GRIK4: variants seen among roughly 807,000 people sequenced by gnomAD.
The protein encoded by GRIK4 is glutamate ionotropic receptor kainate type subunit 4, also known as glutamate receptor ionotropic, kainate 4.
Under a neutral mutation model 104.9 loss-of-function variants are expected in GRIK4, and 40 were observed. That is an observed-to-expected ratio of 0.38 (90% CI 0.30 to 0.50). The LOEUF is 0.50. Ranked by LOEUF, GRIK4 falls within the 20% of genes least tolerant of loss-of-function variation. GRIK4 has a pLI of 0.93. For missense variants in GRIK4, 1,047 were observed against 1,308.1 expected (o/e 0.80, Z 3.08); for synonymous variants, 485 against 524.9 (o/e 0.92, Z 1.04).
intron 3 of GRIK4, among the ~76,000 whole-genome samples, chr11:120,714,091 T>G (rs1950785374): frequency 6.6e-6 from 1 of 152,234 alleles, no homozygotes; most frequent in South Asian, 2.1e-4. Context: ...AACTAAAGTC[T>G]AAAGGTGCTA....
intron 12 of GRIK4, among the ~76,000 whole-genome samples, chr11:120,904,830 A>C (rs1334688913): frequency 6.6e-6 from 1 of 152,060 alleles, no homozygotes; most frequent in Non-Finnish European, 1.5e-5. Flanking sequence ...TTCTCTGGAC[A>C]TCTCACTGGA....
At chr11:120,574,370 G>A (rs946957517) in intron 1 of GRIK4, among the ~76,000 whole-genome samples, 54 of 152,344 alleles carry the variant, frequency 3.5e-4, no homozygotes, top group African/African-American at 1.3e-3. Flanking sequence ...ACAAGTCACA[G>A]TACCAGAGGC....
chr11:120,621,799 G>T (rs1949192829), intron 1 of GRIK4, among the ~76,000 whole-genome samples: 1 of 152,216 alleles, frequency 6.6e-6, no homozygotes, highest in Non-Finnish European at 1.5e-5. Flanking sequence ...AGACTTCTCA[G>T]CTGCAGCGGC....
intron 1 of GRIK4, 60 bp downstream of exon 1, chr11:120,511,947 C>A: frequency 6.5e-6 from 1 of 153,086 alleles, no homozygotes; most frequent in South Asian, 1.8e-4. Flanking sequence ...CCCCGCGCCC[C>A]CGAGTCCCCT....
At chr11:120,936,043 C>A in intron 13 of GRIK4, 7 of 188,272 alleles carry the variant, frequency 3.7e-5, no homozygotes, top group South Asian at 7.3e-5. Context: ...CATCATCATC[C>A]TGGTCTTCAT....
intron 8 of GRIK4, among the ~76,000 whole-genome samples, chr11:120,837,631 C>T (rs1297607234): frequency 6.6e-6 from 1 of 152,068 alleles, no homozygotes; most frequent in Non-Finnish European, 1.5e-5. Flanking sequence ...TACCAGCACC[C>T]CAGAATCCCC....
intron 3 of GRIK4, among the ~76,000 whole-genome samples, chr11:120,678,874 C>A (rs1386964753): frequency 6.6e-6 from 1 of 151,770 alleles, no homozygotes; most frequent in East Asian, 1.9e-4. Context: ...ACCTTGTGAT[C>A]CACATGCCTC....
chr11:120,593,213 G>A lies in GRIK4; in HGVS notation c.-158-60472G>A, dbSNP rs544412567. Among the ~76,000 whole-genome samples, 6 of 146,768 alleles carry A rather than the reference G, an allele frequency of 4.1e-5. No homozygotes were observed. The East Asian group carries it at 8.1e-4, about 20-fold the overall frequency. ...AAAAAAAAAAAAGCCGCCTGCAGTT[G>A]TACCTCTTCTTCTGTTCCATTTCTG... On this transcript the variant is annotated intron_variant, in intron 1 of 20. Transcript: ENST00000527524.
chr11:120,569,190 A>G (rs1335910200), intron 1 of GRIK4, among the ~76,000 whole-genome samples: 1 of 152,242 alleles, frequency 6.6e-6, no homozygotes, highest in African/African-American at 2.4e-5. Context: ...TACAAGCTGG[A>G]TAATAGACCT....
At chr11:120,829,989 A>G (rs1259594446) in intron 6 of GRIK4, among the ~76,000 whole-genome samples, 1 of 152,202 alleles carries the variant, frequency 6.6e-6, no homozygotes, top group Non-Finnish European at 1.5e-5. Flanking sequence ...TGGTTTGCAC[A>G]GCTGGGCTGT....
rs1414940441 is a variant in GRIK4, at chr11:120,549,468, A to G, written c.-159+37581A>G. Among the ~76,000 whole-genome samples the G allele has an allele frequency of 6.6e-6, 1 of 152,186 alleles. No homozygotes were observed. Among genetic ancestry groups the G allele is most frequent in the Admixed American group, 6.5e-5 (1 of 15,278 alleles). ...GGTACCATTGTTGATGTGGACAGAC[A>G]CACACACTAACAAACAAGGAGTGAG... On this transcript the variant is annotated intron_variant, in intron 1 of 20. Transcript: ENST00000527524. The surrounding 1 kb of genome is among the most constrained non-coding windows in gnomAD (Gnocchi z 4.7).
At chr11:120,914,639 A>G (rs995874145) in intron 13 of GRIK4, among the ~76,000 whole-genome samples, 2 of 152,164 alleles carry the variant, frequency 1.3e-5, no homozygotes, top group Admixed American at 6.5e-5. Context: ...GGAGCCAAGC[A>G]TGAGAGGGGG....
intron 3 of GRIK4, among the ~76,000 whole-genome samples, chr11:120,683,398 G>A (rs1407307458): frequency 8.5e-5 from 13 of 152,140 alleles, no homozygotes; most frequent in Non-Finnish European, 1.5e-4. Context: ...GAGACCTTGG[G>A]GTAGGGGCGG....
intron 4 of GRIK4, among the ~76,000 whole-genome samples, chr11:120,814,441 A>G (rs1375132879): frequency 1.3e-5 from 2 of 152,292 alleles, no homozygotes; most frequent in East Asian, 1.9e-4. Flanking sequence ...CGCTACTAAA[A>G]ATACAAAAAT....
At position 120,903,755 on chromosome 11, in the gene GRIK4, G is replaced by A. The variant is rs776406507; in HGVS notation, c.1273-1535G>A. The stretch of plus-strand genomic sequence containing the variant: ...GCGATCTGCCCTCTCTGTGCCTGCC[G>A]CCTTGCCTCCCTTAGCTCCTAACCT... On this transcript the variant is annotated intron_variant, in intron 12 of 20. Transcript: ENST00000527524. The surrounding 1 kb of genome is among the most constrained non-coding windows in gnomAD (Gnocchi z 4.4). Among the ~76,000 whole-genome samples, 3 of 152,100 alleles carry A rather than the reference G, an allele frequency of 2.0e-5. No homozygotes were observed. The highest frequency in any genetic ancestry group is 4.8e-5 in the African/African-American group (2 of 41,430).
At chr11:120,713,848 T>C (rs549037792) in intron 3 of GRIK4, among the ~76,000 whole-genome samples, 1 of 152,280 alleles carries the variant, frequency 6.6e-6, no homozygotes, top group African/African-American at 2.4e-5. Flanking sequence ...AAAGGAAGGC[T>C]CAATTCTCCA....
intron 9 of GRIK4, among the ~76,000 whole-genome samples, chr11:120,864,466 T>TAA (rs1323673664): frequency 6.6e-6 from 1 of 152,078 alleles, no homozygotes; most frequent in Non-Finnish European, 1.5e-5. Flanking sequence ...TGTCTCGATC[T>TAA]CCTGACTTCG....
intron 1 of GRIK4, among the ~76,000 whole-genome samples, chr11:120,526,967 T>C (rs1164571535): frequency 6.6e-6 from 1 of 152,248 alleles, no homozygotes; most frequent in African/African-American, 2.4e-5. Context: ...TTAATAGAAA[T>C]AGTGGTTGAA....
Position 120,940,364 on chromosome 11 carries a change from G to A in GRIK4, c.1494G>A (p.Val498=), listed in dbSNP as rs1242871489. ...ELIARKADLA[V]AGLTITAERE... ...CTTTTCAGAAAGCAGATCTGGCTGTGGCAGGCCTCACCATTACAGCTGAAC... is the reference window on the plus strand; with the variant it reads ...CTTTTCAGAAAGCAGATCTGGCTGTAGCAGGCCTCACCATTACAGCTGAAC... Residue 498 remains valine (V), a synonymous_variant, in exon 14 of 21, where the codon GTG becomes GTA. Transcript: ENST00000527524. This position sits in a 1 kb window ranked among gnomAD's most constrained non-coding sequence, Gnocchi z 4.3. The A allele has an allele frequency of 6.2e-7, 1 of 1,612,008 alleles. No individual in the cohort carries two copies. The highest frequency in any genetic ancestry group is 8.5e-7 in the Non-Finnish European group (1 of 1,178,214).
Sources: gnomAD v4.1 joint callset for allele counts (sites outside exome capture counted in the v4.1 genomes callset) on GRCh38, gnomAD v4.1.1 for gene constraint, Gnocchi (gnomAD v3.1) non-coding constraint, MANE v1.5 for transcripts, NCBI Gene and HGNC (gene_info 2026-07-23, HGNC 2026-07-21) for gene names.